Variants in PRIM2 observed in about 807,000 individuals in gnomAD.
The protein encoded by PRIM2 is DNA primase large subunit.
A neutral mutation model predicts 67.3 loss-of-function variants in PRIM2; 39 were observed. The observed-to-expected ratio is 0.58, with a 90% confidence interval of 0.45 to 0.76. The LOEUF is 0.76. PRIM2 is among the 30% of genes least tolerant of loss of function. PRIM2 has a pLI of 0.00. For synonymous variants in PRIM2, 143 were observed against 198.7 expected (o/e 0.72, Z 2.36); for missense variants, 398 against 598.7 (o/e 0.66, Z 3.50).
At chr6:57,265,776 T>C in the PRIM2 span, among the ~76,000 whole-genome samples, 23,608 of 152,214 alleles carry the variant, frequency 0.16, 2,164 homozygotes, top group African/African-American at 0.25. Context: ...TTTGCTCATT[T>C]GGAGCAAATT....
chr6:57,414,648 G>A (rs1387166223), intron 7 of PRIM2, among the ~76,000 whole-genome samples: 2 of 152,132 alleles, frequency 1.3e-5, no homozygotes, highest in African/African-American at 4.8e-5. Context: ...CTAGATGGTA[G>A]TAGCGGATGA....
At chr6:57,412,122 T>C (rs1158096238) in intron 7 of PRIM2, among the ~76,000 whole-genome samples, 5 of 151,212 alleles carry the variant, frequency 3.3e-5, no homozygotes, top group Non-Finnish European at 7.4e-5. Context: ...TTGTAGAAAA[T>C]TTGGAGAGTA....
chr6:57,274,764 G>T, the PRIM2 span, among the ~76,000 whole-genome samples: 1 of 152,024 alleles, frequency 6.6e-6, no homozygotes, highest in Non-Finnish European at 1.5e-5. Flanking sequence ...CTATTCAGCC[G>T]TCTTGGCTCC....
chr6:57,309,394 G>T, the PRIM2 span, among the ~76,000 whole-genome samples: 2 of 147,822 alleles, frequency 1.4e-5, no homozygotes, highest in African/African-American at 5.0e-5. Context: ...TGCGGTGTTT[G>T]GTTTTTTGTT....
In PRIM2 at chr6:57,532,352, C is replaced by T. The variant is rs1465342783; in HGVS notation, c.762-59C>T. 3.4e-5 allele frequency: 23 copies of T among 680,490 alleles called. No individual in the cohort carries two copies. The East Asian group carries it at 4.2e-4, about 12-fold the overall frequency. 42.2% of individuals were successfully genotyped at this position (680,490 alleles called of 1,614,324 possible). A position where few individuals can be genotyped will look rare whatever the true frequency, so the allele number is the denominator to read the frequency against. On this transcript the variant is annotated intron_variant, in intron 8 of 13. Coordinates refer to ENST00000615550, the MANE Select transcript of PRIM2 (RefSeq NM_000947.5). ...TTTTCAGAATTTAAAAAATTTCCTT[C>T]GAAGGGATCAAAAGTATTTTATGAA...
chr6:57,435,941 C>G (rs557543774), intron 7 of PRIM2, among the ~76,000 whole-genome samples: 2 of 152,332 alleles, frequency 1.3e-5, no homozygotes, highest in East Asian at 3.9e-4. Context: ...GAATCCTCTA[C>G]AGCTGATGCT....
intron 7 of PRIM2, among the ~76,000 whole-genome samples, chr6:57,470,524 A>C (rs1339943220): frequency 7.3e-6 from 1 of 136,934 alleles, no homozygotes; most frequent in Non-Finnish European, 1.6e-5. Flanking sequence ...CCAAAGCTTA[A>C]GACTAGAGCA....
chr6:57,423,845 C>T (rs1702712746), intron 7 of PRIM2, among the ~76,000 whole-genome samples: 1 of 152,140 alleles, frequency 6.6e-6, no homozygotes. Flanking sequence ...GTGAATTGCC[C>T]AGTCAGTGCA....
At chr6:57,336,805 C>T (rs547915111) in intron 5 of PRIM2, among the ~76,000 whole-genome samples, 26 of 152,226 alleles carry the variant, frequency 1.7e-4, no homozygotes, top group Admixed American at 7.9e-4. Flanking sequence ...CATCAACTAA[C>T]GAGCAAAATA....
chr6:57,257,280 T>G, the PRIM2 span, among the ~76,000 whole-genome samples: 1 of 151,912 alleles, frequency 6.6e-6, no homozygotes, highest in African/African-American at 2.4e-5. Context: ...ATTTTTTTTT[T>G]TTTTTTGTGA....
intron 8 of PRIM2, among the ~76,000 whole-genome samples, chr6:57,511,014 A>T (rs1307701927): frequency 3.3e-5 from 5 of 152,100 alleles, no homozygotes; most frequent in African/African-American, 4.8e-5. Flanking sequence ...GCCTCTAATG[A>T]GGAAAGAGGA....
the PRIM2 span, among the ~76,000 whole-genome samples, chr6:57,247,549 T>G: frequency 6.6e-6 from 1 of 152,194 alleles, no homozygotes; most frequent in South Asian, 2.1e-4. Context: ...AAGGCACCCA[T>G]GAGAAATAGC....
intron 7 of PRIM2, among the ~76,000 whole-genome samples, chr6:57,482,186 A>G (rs1773645832): frequency 6.6e-6 from 1 of 150,988 alleles, no homozygotes; most frequent in South Asian, 2.1e-4. Context: ...AATTTAGGGG[A>G]AAATGATGAG....
intron 5 of PRIM2, among the ~76,000 whole-genome samples, chr6:57,331,647 T>A (rs1022257144): frequency 5.9e-5 from 9 of 151,998 alleles, no homozygotes; most frequent in Non-Finnish European, 1.2e-4. Flanking sequence ...TTTTTGGAAT[T>A]TATTCACTTT....
chr6:57,533,590 A>C (rs1204870665), intron 9 of PRIM2, among the ~76,000 whole-genome samples: 1 of 152,232 alleles, frequency 6.6e-6, no homozygotes, highest in African/African-American at 2.4e-5. Context: ...TTTTTTTATT[A>C]AACACTTATC....
Position 57,334,207 on chromosome 6 carries a change from G to T in PRIM2, c.459+8162G>T, listed in dbSNP as rs540404383. Among the ~76,000 whole-genome samples the T allele has an allele frequency of 2.0e-5, 3 of 152,008 alleles. No individual in the cohort carries two copies. The East Asian group carries it at 5.8e-4, about 29-fold the overall frequency. On this transcript the variant is annotated intron_variant, in intron 5 of 13. Transcript: ENST00000615550. The stretch of plus-strand genomic sequence containing the variant: ...TTTATTTACTTAACGTAATATCCCT[G>T]TTTCATTCATGGTGTTGCAAGTGGC...
At chr6:57,549,388 A>C (rs1775356181) in intron 10 of PRIM2, among the ~76,000 whole-genome samples, 1 of 152,136 alleles carries the variant, frequency 6.6e-6, no homozygotes, top group Non-Finnish European at 1.5e-5. Context: ...ATTTTATTCC[A>C]AACCCTGAAC....
chr6:57,399,503 G>A (rs71522516), intron 7 of PRIM2, among the ~76,000 whole-genome samples: 5 of 152,110 alleles, frequency 3.3e-5, no homozygotes, highest in African/African-American at 9.7e-5. Context: ...GTAAACACAC[G>A]TGTGCATATG....
intron 10 of PRIM2, 136 bp from the exon 11 acceptor site, chr6:57,600,957 A>G (rs1225535057): frequency 5.6e-5 from 39 of 700,598 alleles, no homozygotes; most frequent in Non-Finnish European, 8.2e-5. Context: ...CATGGCATGA[A>G]TGTACATCTG....
Sources: gnomAD v4.1 joint callset for allele counts (sites outside exome capture counted in the v4.1 genomes callset) on GRCh38, gnomAD v4.1.1 for gene constraint, MANE v1.5 for transcripts, NCBI Gene and HGNC (gene_info 2026-07-23, HGNC 2026-07-21) for gene names.